Variants in GRK3 observed in about 807,000 individuals in gnomAD.
GRK3 encodes G protein-coupled receptor kinase 3.
In GRK3, 54 loss-of-function variants were observed where a neutral mutation model predicts 95.7. The ratio of observed to expected loss-of-function variants is 0.56; its 90% CI spans 0.45 to 0.71. The LOEUF is 0.71. Among genes scored for constraint, GRK3 ranks in the 30% least tolerant of loss-of-function variants. The probability of loss-of-function intolerance (pLI) is 0.00; values close to 1 mark genes in which losing one functional copy is unlikely to be tolerated. For missense variants in GRK3, 649 were observed against 851.2 expected (o/e 0.76, Z 2.96); for synonymous variants, 281 against 290.8 (o/e 0.97, Z 0.34).
intron 12 of GRK3, among the ~76,000 whole-genome samples, chr22:25,693,452 G>A (rs975566028): frequency 2.6e-5 from 4 of 152,150 alleles, no homozygotes; most frequent in Admixed American, 6.5e-5. Context: ...ACAAAGTCAC[G>A]GAAAAGGACT....
intron 1 of GRK3, among the ~76,000 whole-genome samples, chr22:25,582,043 G>A (rs1231389030): frequency 6.6e-6 from 1 of 152,166 alleles, no homozygotes; most frequent in Non-Finnish European, 1.5e-5. Flanking sequence ...TTGGGAGGCC[G>A]AGGCGGGTGG....
At position 25,720,734 on chromosome 22, in the gene GRK3, C is replaced by CA. The variant is rs2085425539; in HGVS notation, c.1792-547dup. Among the ~76,000 whole-genome samples, 3 of 152,270 alleles carry CA rather than the reference C, an allele frequency of 2.0e-5. No homozygotes were observed. In the South Asian group the frequency reaches 6.2e-4, roughly 32 times the overall value. On this transcript the variant is annotated intron_variant, in intron 19 of 20. Transcript: ENST00000324198. ...TCGTGATGCACCCGCCTCGGCCTCC[C>CA]AAAGTGCTGGGATTACAGGCATGAG...
chr22:25,581,759 C>T (rs1932106345), intron 1 of GRK3, among the ~76,000 whole-genome samples: 1 of 151,604 alleles, frequency 6.6e-6, no homozygotes, highest in Non-Finnish European at 1.5e-5. Flanking sequence ...CTGACTTATT[C>T]AGATCATGGG....
chr22:25,684,857 G>T (rs1184423830), intron 9 of GRK3, among the ~76,000 whole-genome samples: 1 of 152,028 alleles, frequency 6.6e-6, no homozygotes, highest in Non-Finnish European at 1.5e-5. Context: ...CAATGCATGG[G>T]GTGGCAGCTT....
intron 2 of GRK3, among the ~76,000 whole-genome samples, chr22:25,618,901 A>T (rs992153309): frequency 1.4e-4 from 21 of 152,080 alleles, no homozygotes; most frequent in Admixed American, 1.4e-3. Flanking sequence ...GGATCCTCCT[A>T]GTTTATTTTC....
At chr22:25,596,746 ATACT>A (rs979345181) in intron 1 of GRK3, among the ~76,000 whole-genome samples, 2 of 152,190 alleles carry the variant, frequency 1.3e-5, no homozygotes, top group African/African-American at 4.8e-5. Context: ...AATTTACTTG[ATACT>A]TACCATGGCT....
intron 19 of GRK3, 61 bp from the exon 20 acceptor site, chr22:25,721,223 G>T: frequency 1.2e-6 from 1 of 856,438 alleles, no homozygotes; most frequent in Non-Finnish European, 1.9e-6. Context: ...GTAGTTTTTG[G>T]TATTACTACT....
rs2085468584 is a variant in GRK3, at chr22:25,725,767, A to C, written c.*3317A>C. On this transcript the variant is annotated 3_prime_UTR_variant, in exon 21 of 21. Coordinates refer to ENST00000324198, the MANE Select transcript of GRK3 (RefSeq NM_005160.4). ...TGAGACCATCCTGGTTAGCAGAGTG[A>C]AACCCCGTCTCTACTAAAAATACAA... 2.0e-5 allele frequency: 8 copies of C among 395,316 alleles called. No homozygotes were observed. The East Asian group carries it at 2.9e-4, about 14-fold the overall frequency. 24.5% of individuals were successfully genotyped at this position (395,316 alleles called of 1,614,324 possible). A position where few individuals can be genotyped will look rare whatever the true frequency, so the allele number is the denominator to read the frequency against.
chr22:25,709,908 G>A lies in GRK3; in HGVS notation c.1339G>A (p.Val447Ile), dbSNP rs965266486. The change falls in exon 16 of 21, where the codon GTA becomes ATA. Residue 447 changes from valine to isoleucine, a missense_variant. By Grantham distance (29) the Val-to-Ile change is conservative. Around this residue, in one of 3 missense-constraint regions of GRK3, gnomAD observed 382 missense variants for 493.8 expected, o/e 0.77. Coordinates refer to ENST00000324198, the MANE Select transcript of GRK3 (RefSeq NM_005160.4). ...CTCTTTCTCCTCCAGCTCACAGGAAGTAAAAGAGCACAGCTTTTTCAAAGG... is the reference window on the plus strand; with the variant it reads ...CTCTTTCTCCTCCAGCTCACAGGAAATAAAAGAGCACAGCTTTTTCAAAGG... ...LGCHGGGSQEVKEHSFFKGVD... is the reference protein window; with the variant it reads ...LGCHGGGSQEIKEHSFFKGVD... 12 of 1,613,596 alleles carry A rather than the reference G, an allele frequency of 7.4e-6. No homozygotes were observed. Among genetic ancestry groups the A allele is most frequent in the Admixed American group, 1.7e-5 (1 of 60,008 alleles).
At chr22:25,699,946 C>T (rs2085244746) in intron 13 of GRK3, among the ~76,000 whole-genome samples, 2 of 152,210 alleles carry the variant, frequency 1.3e-5, no homozygotes, top group African/African-American at 4.8e-5. Context: ...GATCTGCCCG[C>T]CTCGGCCTCC....
At chr22:25,580,542 T>G (rs1932061672) in intron 1 of GRK3, 1 of 152,312 alleles carries the variant, frequency 6.6e-6, no homozygotes, top group East Asian at 1.9e-4. Flanking sequence ...ATTGATTGAT[T>G]GATTGATTGG....
At chr22:25,592,473 A>AT (rs753129208) in intron 1 of GRK3, among the ~76,000 whole-genome samples, 4 of 151,988 alleles carry the variant, frequency 2.6e-5, no homozygotes, top group Non-Finnish European at 4.4e-5. Flanking sequence ...GCAGTTTTTA[A>AT]TTTTGACGAA....
chr22:25,565,386 C>T (rs1219317182), intron 1 of GRK3, among the ~76,000 whole-genome samples: 3 of 152,210 alleles, frequency 2.0e-5, no homozygotes, highest in Non-Finnish European at 4.4e-5. Context: ...GCGCGGCGCC[C>T]TGCGCGCAGC....
intron 2 of GRK3, among the ~76,000 whole-genome samples, chr22:25,609,649 C>T (rs2084480788): frequency 6.6e-6 from 1 of 151,866 alleles, no homozygotes; most frequent in Admixed American, 6.6e-5. Context: ...ATACTTAATA[C>T]ATGAAGTATG....
At chr22:25,606,988 T>C (rs2084454613) in intron 2 of GRK3, among the ~76,000 whole-genome samples, 1 of 152,204 alleles carries the variant, frequency 6.6e-6, no homozygotes, top group Admixed American at 6.5e-5. Flanking sequence ...CAGCAGATGC[T>C]CAGTGAATAG....
intron 1 of GRK3, among the ~76,000 whole-genome samples, chr22:25,584,538 A>G (rs1362111837): frequency 6.6e-6 from 1 of 152,278 alleles, no homozygotes; most frequent in African/African-American, 2.4e-5. Flanking sequence ...TGAAAAGGTG[A>G]ACATTCTCAA....
At chr22:25,709,505 C>T (rs1480291223) in intron 15 of GRK3, among the ~76,000 whole-genome samples, 5 of 152,020 alleles carry the variant, frequency 3.3e-5, no homozygotes, top group Admixed American at 2.6e-4. Context: ...TTATCTATTG[C>T]GATGTGTAAA....
At chr22:25,634,348 G>A (rs1476639302) in intron 2 of GRK3, among the ~76,000 whole-genome samples, 1 of 152,170 alleles carries the variant, frequency 6.6e-6, no homozygotes, top group Admixed American at 6.5e-5. Context: ...GTGTTGTGAT[G>A]CTGGATGATA....
rs1601556556 is a variant in GRK3, at chr22:25,728,282, C to T, written c.*5832C>T. The T allele has an allele frequency of 1.3e-5, 2 of 152,230 alleles. No homozygotes were observed. Among genetic ancestry groups the T allele is most frequent in the East Asian group, 1.9e-4 (1 of 5,206 alleles). 9.4% of individuals were successfully genotyped at this position (152,230 alleles called of 1,614,324 possible). A position where few individuals can be genotyped will look rare whatever the true frequency, so the allele number is the denominator to read the frequency against. On this transcript the variant is annotated 3_prime_UTR_variant, in exon 21 of 21. Coordinates refer to ENST00000324198, the MANE Select transcript of GRK3 (RefSeq NM_005160.4). ...GTCTTTCGTCACGTCGGGCAGCACA[C>T]CTGCTGTGAAATACTGCTTTCATCT... is the stretch of plus-strand genomic sequence containing the variant.
Sources: gnomAD v4.1 joint callset for allele counts (sites outside exome capture counted in the v4.1 genomes callset) on GRCh38, gnomAD v4.1.1 for gene constraint, gnomAD v4.1.1 regional missense constraint, MANE v1.5 for transcripts, NCBI Gene and HGNC (gene_info 2026-07-23, HGNC 2026-07-21) for gene names.